The following TP53I11 variants were observed in gnomAD, a reference collection of about 807,000 sequenced individuals.
The protein encoded by TP53I11 is tumor protein p53-inducible protein 11.
A neutral mutation model predicts 23.3 loss-of-function variants in TP53I11; 9 were observed. That is an observed-to-expected ratio of 0.39 (90% CI 0.23 to 0.67). The LOEUF is 0.67. TP53I11 is among the 30% of genes least tolerant of loss of function. TP53I11 has a pLI of 0.48. For missense variants in TP53I11, 170 were observed against 255.2 expected (o/e 0.67, Z 2.27); for synonymous variants, 100 against 106.1 (o/e 0.94, Z 0.35).
At position 44,934,929 on chromosome 11, in the gene TP53I11, G is replaced by A. The variant is rs1158361279; in HGVS notation, c.525C>T (p.Ser175=). 6.2e-7 allele frequency: 1 copy of A among 1,614,196 alleles called. No individual in the cohort carries two copies. The highest frequency in any genetic ancestry group is 1.1e-5 in the South Asian group (1 of 91,090). ...GGCCGACTTGGTAATAGTAGTAAAT[G>A]CTGATGACGACAAAAAGGAGGCGGC... is the stretch of plus-strand genomic sequence containing the variant. ...LVSRLLFVVI[S]IYYYYQVGRR... Residue 175 remains serine (S), a synonymous_variant, in exon 7 of 7, where the codon AGC becomes AGT. Coordinates refer to ENST00000525680, the MANE Select transcript of TP53I11 (RefSeq NM_006034.5).
At chr11:44,945,249 C>T (rs974009406) in intron 1 of TP53I11, among the ~76,000 whole-genome samples, 1 of 152,212 alleles carries the variant, frequency 6.6e-6, no homozygotes, top group African/African-American at 2.4e-5. Flanking sequence ...CCACCTACCC[C>T]GGGGCTGGGA....
rs2135423904 is a variant in TP53I11, at chr11:44,936,347, T to C, written c.334+456A>G. 1.6e-6 allele frequency: 2 copies of C among 1,222,470 alleles called. No individual in the cohort carries two copies. Among genetic ancestry groups the C allele is most frequent in the Non-Finnish European group, 1.0e-6 (1 of 982,856 alleles). The allele number at this position is 1,222,470 out of a possible 1,614,324, so 75.7% of individuals were successfully genotyped here. ...TATTACCTATGCTGAGCTTTAAAAA[T>C]TGTAATTCCAAATCCTAACGTGTGC... is the stretch of plus-strand genomic sequence containing the variant. On this transcript the variant is annotated intron_variant, in intron 5 of 6. Transcript: ENST00000525680. The surrounding 1 kb of genome is among the most constrained non-coding windows in gnomAD (Gnocchi z 4.4).
intron 1 of TP53I11, among the ~76,000 whole-genome samples, chr11:44,949,704 G>C (rs1159169572): frequency 3.3e-5 from 5 of 152,116 alleles, no homozygotes; most frequent in South Asian, 4.1e-4. Context: ...AGCCTCCCCC[G>C]GGTAGGTGCG....
At chr11:44,945,501 G>A (rs754927505) in intron 1 of TP53I11, among the ~76,000 whole-genome samples, 7 of 151,946 alleles carry the variant, frequency 4.6e-5, no homozygotes, top group Non-Finnish European at 1.0e-4. Flanking sequence ...GGGGTGGGGG[G>A]GCGTTTGGTG....
Position 44,935,675 on chromosome 11 carries a change from A to G in TP53I11, c.335-13T>C. On this transcript the variant is annotated splice_polypyrimidine_tract_variant and intron_variant, in intron 5 of 6. Coordinates refer to ENST00000525680, the MANE Select transcript of TP53I11 (RefSeq NM_006034.5). The stretch of plus-strand genomic sequence containing the variant: ...ATCAGGGAGATGCCTGGGGCGGGGG[A>G]TGAAAAGGGGGCTGGGGGTGGGACA... 10 of 632,170 alleles carry G rather than the reference A, an allele frequency of 1.6e-5. No individual in the cohort carries two copies. Among genetic ancestry groups the G allele is most frequent in the Admixed American group, 6.0e-5 (3 of 50,384 alleles). The allele number at this position is 632,170 out of a possible 1,614,324, so 39.2% of individuals were successfully genotyped here.
intron 1 of TP53I11, chr11:44,940,416 C>G (rs1861634223): frequency 6.6e-6 from 1 of 152,346 alleles, no homozygotes; most frequent in Non-Finnish European, 1.5e-5. Context: ...ACTCCCTCCC[C>G]TCACACCTCC....
intron 5 of TP53I11, 138 bp from the exon 6 acceptor site, chr11:44,935,800 C>G: frequency 3.1e-6 from 2 of 638,942 alleles, no homozygotes; most frequent in South Asian, 1.8e-5. Flanking sequence ...CGCCCCTATT[C>G]ACATTTCTCA....
At position 44,936,807 on chromosome 11, in the gene TP53I11, G is replaced by A. The variant is rs377465146; in HGVS notation, c.330C>T (p.Leu110=). 3.6e-5 allele frequency: 57 copies of A among 1,595,496 alleles called. No homozygotes were observed. The highest frequency in any genetic ancestry group is 4.5e-5 in the Non-Finnish European group (53 of 1,172,446). ...GCCCGCCCCAGCAGTACTCACTGAG[G>A]AGGGCACCGCCGTAGAGGCGGATGG... ...KTPIRLYGGA[L]LSISLIMWNA... The change falls in exon 5 of 7, where the codon CTC becomes CTT. Residue 110 remains leucine (L), a synonymous_variant. Coordinates refer to ENST00000525680, the MANE Select transcript of TP53I11 (RefSeq NM_006034.5). The surrounding 1 kb of genome is among the most constrained non-coding windows in gnomAD (Gnocchi z 4.4).
chr11:44,934,689 G>T lies in TP53I11; in HGVS notation c.*195C>A. 1 of 697,352 alleles carries T rather than the reference G, an allele frequency of 1.4e-6. No individual in the cohort carries two copies. The highest frequency in any genetic ancestry group is 1.8e-5 in the African/African-American group (1 of 55,588). 43.2% of individuals were successfully genotyped at this position (697,352 alleles called of 1,614,324 possible). ...GCCCTGTCTCTCCCCAGACCAGCATGTCAAGCCTGAAAGCCCAGGAGATCA... is the reference window on the plus strand; with the variant it reads ...GCCCTGTCTCTCCCCAGACCAGCATTTCAAGCCTGAAAGCCCAGGAGATCA... On this transcript the variant is annotated 3_prime_UTR_variant, in exon 7 of 7. Coordinates refer to ENST00000525680, the MANE Select transcript of TP53I11 (RefSeq NM_006034.5).
At chr11:44,949,599 A>G (rs11038223) in intron 1 of TP53I11, among the ~76,000 whole-genome samples, 77,400 of 151,396 alleles carry the variant, frequency 0.51, 21,544 homozygotes, top group South Asian at 0.79. Context: ...GGGCGAAGGA[A>G]GGTAGAGCGA....
At chr11:44,939,714 T>A (rs1363727275) in intron 1 of TP53I11, among the ~76,000 whole-genome samples, 28 of 137,914 alleles carry the variant, frequency 2.0e-4, no homozygotes, top group Admixed American at 2.0e-3. Context: ...AGGGAGGCAG[T>A]ATACCATGTC....
intron 5 of TP53I11, 31 bp from the exon 6 acceptor site, chr11:44,935,693 G>GT: frequency 1.6e-6 from 2 of 1,255,378 alleles, no homozygotes; most frequent in Admixed American, 1.8e-5. Flanking sequence ...GGGGCTGGGG[G>GT]TGGGACAGCT....
chr11:44,935,779 C>T (rs1861041307), intron 5 of TP53I11, 117 bp from the exon 6 acceptor site: 1 of 697,340 alleles, frequency 1.4e-6, no homozygotes. Flanking sequence ...GGGTCCTGGA[C>T]TCCACGCCTC....
chr11:44,944,940 G>A (rs767945230), intron 1 of TP53I11, among the ~76,000 whole-genome samples: 2 of 152,190 alleles, frequency 1.3e-5, no homozygotes, highest in Non-Finnish European at 2.9e-5. Flanking sequence ...CTCTTTCCCA[G>A]GAAGCCTGGT....
intron 1 of TP53I11, among the ~76,000 whole-genome samples, chr11:44,946,197 C>T (rs942407678): frequency 6.6e-6 from 1 of 152,216 alleles, no homozygotes; most frequent in Admixed American, 6.5e-5. Flanking sequence ...ATGAAAGCGG[C>T]TGCACTACTG....
intron 1 of TP53I11, among the ~76,000 whole-genome samples, chr11:44,944,816 G>A (rs1285237778): frequency 6.6e-6 from 1 of 152,204 alleles, no homozygotes; most frequent in Non-Finnish European, 1.5e-5. Flanking sequence ...CTCTGTAAAG[G>A]ACAGCAATTA....
rs1860874115 is a variant in TP53I11, at chr11:44,934,578, A to C, written c.*306T>G. ...ACCCTCATGACTCCAGCCTGACTTT[A>C]GTCAGTGTCTATTGAGGGGGTCTGG... On this transcript the variant is annotated 3_prime_UTR_variant, in exon 7 of 7. Transcript: ENST00000525680. 6.1e-6 allele frequency: 2 copies of C among 326,572 alleles called. No individual in the cohort carries two copies. Among genetic ancestry groups the C allele is most frequent in the African/African-American group, 2.1e-5 (1 of 48,170 alleles). 20.2% of individuals were successfully genotyped at this position (326,572 alleles called of 1,614,324 possible).
intron 1 of TP53I11, among the ~76,000 whole-genome samples, chr11:44,944,340 CAGG>C (rs1862185841): frequency 6.6e-6 from 1 of 152,158 alleles, no homozygotes; most frequent in South Asian, 2.1e-4. Flanking sequence ...ACTCCGGGCA[CAGG>C]AGGAGTTCAA....
At chr11:44,948,338 T>C (rs1862588714) in intron 1 of TP53I11, among the ~76,000 whole-genome samples, 1 of 152,158 alleles carries the variant, frequency 6.6e-6, no homozygotes, top group African/African-American at 2.4e-5. Context: ...CCCTGCTAGC[T>C]GCAGGGTAGG....
Sources: gnomAD v4.1 joint callset for allele counts (sites outside exome capture counted in the v4.1 genomes callset) on GRCh38, gnomAD v4.1.1 for gene constraint, Gnocchi (gnomAD v3.1) non-coding constraint, MANE v1.5 for transcripts, NCBI Gene and HGNC (gene_info 2026-07-23, HGNC 2026-07-21) for gene names.